The following CSMD1 variants were observed in gnomAD, a reference collection of about 807,000 sequenced individuals.
CSMD1 encodes the protein CUB and Sushi multiple domains 1.
CSMD1 carries 213 observed loss-of-function variants against 417.5 expected under a neutral mutation model. That is an observed-to-expected ratio of 0.51 (90% CI 0.46 to 0.57). The LOEUF (loss-of-function observed/expected upper bound fraction) is 0.57. Ranked by LOEUF, CSMD1 falls within the 20% of genes least tolerant of loss-of-function variation. The pLI is 0.00. For synonymous variants in CSMD1, 2,862 were observed against 1,736.8 expected (o/e 1.65, Z -16.11); for missense variants, 6,923 against 4,529.7 (o/e 1.53, Z -15.17).
intron 5 of CSMD1, among the ~76,000 whole-genome samples, chr8:3,988,926 A>C (rs1241271357): frequency 6.6e-6 from 1 of 152,258 alleles, no homozygotes. Context: ...TGAGTGGAGA[A>C]GTTAACAGCT....
chr8:3,406,129 G>A lies in CSMD1; in HGVS notation c.2164C>T (p.His722Tyr). The A allele has an allele frequency of 6.2e-7, 1 of 1,613,834 alleles. No homozygotes were observed. Among genetic ancestry groups the A allele is most frequent in the Middle Eastern group, 1.6e-4 (1 of 6,062 alleles). Residue 722 changes from histidine to tyrosine, a missense_variant, in exon 15 of 70, where the codon CAC becomes TAC. By Grantham distance (83) the His-to-Tyr change is moderately conservative. Coordinates refer to ENST00000635120, the MANE Select transcript of CSMD1 (RefSeq NM_033225.6). ...RFLLGSSVSF[H>Y]CDDGFVKTQG... ...GTCTTGACAAAGCCATCATCACAGT[G>A]GAAAGAAACCGAGCTCCCGAGTAGA...
rs1386566856 is a variant in CSMD1, at chr8:4,529,574, AG to A, written c.302+107767del. On this transcript the variant is annotated intron_variant, in intron 2 of 69. Transcript: ENST00000635120. ...AATATAAGTAGATAAAACTTACATA[AG>A]CAAAAGCTCCTTGGGGGCAGTGTTG... Among the ~76,000 whole-genome samples, 471 of 152,356 alleles carry A rather than the reference AG, an allele frequency of 3.1e-3. 4 individuals are homozygous for A. The highest frequency in any genetic ancestry group is 0.011 in the African/African-American group (448 of 41,586).
At chr8:3,834,035 G>C (rs192183218) in intron 5 of CSMD1, among the ~76,000 whole-genome samples, 323 of 151,952 alleles carry the variant, frequency 2.1e-3, no homozygotes, top group African/African-American at 7.5e-3. Flanking sequence ...CTCTTGACAC[G>C]GTCACTAATG....
At chr8:3,727,029 C>G (rs1306364724) in intron 6 of CSMD1, among the ~76,000 whole-genome samples, 1 of 152,166 alleles carries the variant, frequency 6.6e-6, no homozygotes, top group African/African-American at 2.4e-5. Flanking sequence ...TTTATTTTCT[C>G]TTAGTTACTA....
intron 25 of CSMD1, among the ~76,000 whole-genome samples, chr8:3,298,741 A>G (rs534719396): frequency 3.1e-4 from 47 of 152,366 alleles, no homozygotes; most frequent in African/African-American, 1.1e-3. Flanking sequence ...GGCGTAAGCC[A>G]TCGTGCCCGA....
rs909835310 is a variant in CSMD1 at position 3,507,779 on chromosome 8, GT to G, written c.1345-14054del. Among the ~76,000 whole-genome samples the G allele has an allele frequency of 5.8e-3, 878 of 152,076 alleles. 5 individuals are homozygous for G. The highest frequency in any genetic ancestry group is 0.011 in the Non-Finnish European group (738 of 67,968). On this transcript the variant is annotated intron_variant, in intron 10 of 69. Transcript: ENST00000635120. Reference sequence around the variant, plus strand: ...AGTGATGATGAGCATTTTTTCATGTGTTTTTTTGGCTGCATAAATGTCTTCT... The same window carrying G: ...AGTGATGATGAGCATTTTTTCATGTGTTTTTTGGCTGCATAAATGTCTTCT...
chr8:3,412,567 C>A (rs1356801318), intron 12 of CSMD1, among the ~76,000 whole-genome samples: 1 of 152,068 alleles, frequency 6.6e-6, no homozygotes, highest in East Asian at 1.9e-4. Context: ...TAGGATATCA[C>A]CAACTTCTGT....
chr8:4,739,015 G>C (rs989033023), intron 1 of CSMD1, among the ~76,000 whole-genome samples: 8 of 152,002 alleles, frequency 5.3e-5, no homozygotes, highest in African/African-American at 1.9e-4. Context: ...GCTAAAACAA[G>C]TTAAAAGTTA....
chr8:3,083,606 A>ATT (rs71530607), intron 49 of CSMD1, among the ~76,000 whole-genome samples: 1 of 38,968 alleles, frequency 2.6e-5, no homozygotes, highest in South Asian at 1.7e-3. Context: ...AGTTACCATA[A>ATT]TTTTTATATA....
At chr8:4,044,646 A>ACGTGTACCACCCTGGG (rs992213836) in intron 3 of CSMD1, among the ~76,000 whole-genome samples, 6 of 123,630 alleles carry the variant, frequency 4.9e-5, no homozygotes, top group Admixed American at 8.0e-5. Context: ...CGCACCCTGT[A>ACGTGTACCACCCTGGG]CGTGTACCAC....
chr8:4,241,331 G>A (rs1013339196), intron 3 of CSMD1, among the ~76,000 whole-genome samples: 2 of 152,152 alleles, frequency 1.3e-5, no homozygotes, highest in Non-Finnish European at 2.9e-5. Context: ...TCACGCCTTT[G>A]CCTATTTTTC....
At chr8:4,401,159 C>G (rs546231864) in intron 3 of CSMD1, among the ~76,000 whole-genome samples, 64 of 152,226 alleles carry the variant, frequency 4.2e-4, no homozygotes, top group African/African-American at 1.5e-3. Flanking sequence ...GAGGATTCAT[C>G]AAAACAGGGG....
At chr8:4,891,660 A>C (rs1250825889) in intron 1 of CSMD1, among the ~76,000 whole-genome samples, 1 of 152,122 alleles carries the variant, frequency 6.6e-6, no homozygotes, top group Non-Finnish European at 1.5e-5. Flanking sequence ...TGAAATTGGA[A>C]ACACTATGTA....
intron 26 of CSMD1, among the ~76,000 whole-genome samples, chr8:3,252,556 T>G (rs2117039632): frequency 6.6e-6 from 1 of 152,346 alleles, no homozygotes; most frequent in Middle Eastern, 3.4e-3. Context: ...GGCTTTGGTA[T>G]CAGGATGATG....
intron 5 of CSMD1, among the ~76,000 whole-genome samples, chr8:3,983,947 G>A (rs576731299): frequency 2.0e-5 from 3 of 152,150 alleles, no homozygotes. Context: ...CAACTCTAGA[G>A]CACATTGCAG....
chr8:3,907,388 G>C (rs1181486609), intron 5 of CSMD1, among the ~76,000 whole-genome samples: 1 of 152,180 alleles, frequency 6.6e-6, no homozygotes, highest in East Asian at 1.9e-4. Context: ...TATCTAAATG[G>C]GGTAATTTAG....
At position 3,408,264 on chromosome 8, in the gene CSMD1, A is replaced by G. The variant is rs140222210; in HGVS notation, c.1745-39T>C. 2.7e-6 allele frequency: 4 copies of G among 1,465,594 alleles called. No homozygotes were observed. The African/African-American group carries it at 5.6e-5, about 21-fold the overall frequency. The allele number at this position is 1,465,594 out of a possible 1,614,324, so 90.8% of individuals were successfully genotyped here. A position where few individuals can be genotyped will look rare whatever the true frequency, so the allele number is the denominator to read the frequency against. On this transcript the variant is annotated intron_variant, in intron 13 of 69. Coordinates refer to ENST00000635120, the MANE Select transcript of CSMD1 (RefSeq NM_033225.6). ...AATATATTTTCAAACAGTTATGCACATATCCAAAGAATTGCCATGTGAAAC... is the reference window on the plus strand; with the variant it reads ...AATATATTTTCAAACAGTTATGCACGTATCCAAAGAATTGCCATGTGAAAC...
At chr8:4,437,319 A>G (rs919955708) in intron 2 of CSMD1, among the ~76,000 whole-genome samples, 17 of 152,178 alleles carry the variant, frequency 1.1e-4, no homozygotes, top group Non-Finnish European at 2.5e-4. Context: ...GAGAAAAAAA[A>G]TAAGCTTGTT....
chr8:2,975,700 T>C (rs1804853181), intron 55 of CSMD1, among the ~76,000 whole-genome samples: 1 of 152,214 alleles, frequency 6.6e-6, no homozygotes, highest in Admixed American at 6.5e-5. Flanking sequence ...CTTATTTAAA[T>C]TTTAACCTTC....
Sources: allele counts gnomAD v4.1 joint callset (sites outside exome capture counted in the v4.1 genomes callset), GRCh38; gene constraint gnomAD v4.1.1; transcripts MANE v1.5; gene names NCBI Gene and HGNC (gene_info 2026-07-23, HGNC 2026-07-21).